CACNA1C: variants seen among roughly 807,000 people sequenced by gnomAD.
CACNA1C encodes voltage-dependent L-type calcium channel subunit alpha-1C.
CACNA1C carries 30 observed loss-of-function variants against 229.0 expected under a neutral mutation model. That is an observed-to-expected ratio of 0.13 (90% CI 0.10 to 0.18). The LOEUF (loss-of-function observed/expected upper bound fraction) is 0.18. CACNA1C is among the 10% of genes least tolerant of loss of function. The pLI, the probability that CACNA1C is intolerant of heterozygous loss-of-function variation, is 1.00. For missense variants in CACNA1C, 1,658 were observed against 2,845.0 expected (o/e 0.58, Z 9.49); for synonymous variants, 1,114 against 1,132.5 (o/e 0.98, Z 0.33).
chr12:2,153,652 G>T (rs559421315), intron 3 of CACNA1C, among the ~76,000 whole-genome samples: 6 of 152,186 alleles, frequency 3.9e-5, no homozygotes, highest in African/African-American at 7.2e-5. Context: ...GGACAGGGCC[G>T]TGTTGACAGG....
At chr12:2,035,350 G>A (rs1768399404) in intron 1 of CACNA1C, among the ~76,000 whole-genome samples, 1 of 152,206 alleles carries the variant, frequency 6.6e-6, no homozygotes, top group Non-Finnish European at 1.5e-5. Context: ...AACAAAGAAG[G>A]GCTCTGTTTC....
At chr12:2,521,508 C>A (rs2099809914) in intron 9 of CACNA1C, among the ~76,000 whole-genome samples, 1 of 152,286 alleles carries the variant, frequency 6.6e-6, no homozygotes, top group Middle Eastern at 3.4e-3. Flanking sequence ...CTCTCCAGGG[C>A]CTGGAGGACA....
intron 1 of CACNA1C, chr12:1,991,848 A>T (rs1274099422): frequency 6.5e-6 from 1 of 153,962 alleles, no homozygotes; most frequent in Admixed American, 6.5e-5. Context: ...TTAAAATAAA[A>T]TATTACCTAT....
At chr12:2,048,867 A>G (rs2051565894), upstream of CACNA1C, among the ~76,000 whole-genome samples, 1 of 152,214 alleles carries the variant, frequency 6.6e-6, no homozygotes, top group South Asian at 2.1e-4. Context: ...AAGAAGAAGA[A>G]GAAGAAACAT....
At position 2,601,764 on chromosome 12, in the gene CACNA1C, G is replaced by A; in HGVS notation, c.2854-90G>A. On this transcript the variant is annotated intron_variant, in intron 21 of 46. Transcript: ENST00000399655. The surrounding 1 kb of genome is among the most constrained non-coding windows in gnomAD (Gnocchi z 5.9). Reference sequence around the variant, plus strand: ...TGGATGGTGCTTGGGACTTGCCCAAGGGATGCTGTGGGAGGAAGGGGTGGT... The same window carrying A: ...TGGATGGTGCTTGGGACTTGCCCAAAGGATGCTGTGGGAGGAAGGGGTGGT... The A allele has an allele frequency of 1.2e-6, 1 of 825,388 alleles. No individual in the cohort carries two copies. Among genetic ancestry groups the A allele is most frequent in the Non-Finnish European group, 2.1e-6 (1 of 465,876 alleles). 51.1% of individuals were successfully genotyped at this position (825,388 alleles called of 1,614,324 possible). A position where few individuals can be genotyped will look rare whatever the true frequency, so the allele number is the denominator to read the frequency against.
chr12:2,617,759 G>A lies in CACNA1C; in HGVS notation c.3828+5746G>A, dbSNP rs182177965. 4.6e-5 allele frequency among the ~76,000 whole-genome samples: 7 copies of A among 152,320 alleles called. No homozygotes were observed. The East Asian group carries it at 7.7e-4, about 17-fold the overall frequency. On this transcript the variant is annotated intron_variant, in intron 29 of 46. Transcript: ENST00000399655. ...GCCTTGTTTTCACTGGGCTTGTGTCGAAAGGCACAGATGAGGGCTGAGTTG... is the reference window on the plus strand; with the variant it reads ...GCCTTGTTTTCACTGGGCTTGTGTCAAAAGGCACAGATGAGGGCTGAGTTG...
At chr12:2,159,047 C>T (rs1159557396) in intron 3 of CACNA1C, among the ~76,000 whole-genome samples, 1 of 151,612 alleles carries the variant, frequency 6.6e-6, no homozygotes, top group African/African-American at 2.4e-5. Flanking sequence ...GCTACATAAG[C>T]ATATTATTAA....
chr12:2,308,850 G>C (rs1372660504), intron 3 of CACNA1C, among the ~76,000 whole-genome samples: 1 of 152,158 alleles, frequency 6.6e-6, no homozygotes, highest in South Asian at 2.1e-4. Context: ...GTATTGATGA[G>C]GATATGAAAA....
intron 3 of CACNA1C, among the ~76,000 whole-genome samples, chr12:2,360,994 C>T (rs1340274159): frequency 6.6e-6 from 1 of 152,066 alleles, no homozygotes; most frequent in Non-Finnish European, 1.5e-5. Context: ...GGCAGCATAC[C>T]AAACTACAGA....
chr12:2,418,305 A>G (rs1230177807), intron 3 of CACNA1C, among the ~76,000 whole-genome samples: 1 of 152,178 alleles, frequency 6.6e-6, no homozygotes, highest in Non-Finnish European at 1.5e-5. Context: ...GGCTATAAAT[A>G]CAACAGGTGC....
intron 34 of CACNA1C, among the ~76,000 whole-genome samples, chr12:2,663,286 G>A (rs1479621776): frequency 6.6e-6 from 1 of 152,168 alleles, no homozygotes; most frequent in Non-Finnish European, 1.5e-5. Context: ...CCTTCCTCCT[G>A]CAAGAATGGC....
chr12:2,367,369 G>A (rs1490141140), intron 3 of CACNA1C, among the ~76,000 whole-genome samples: 3 of 152,182 alleles, frequency 2.0e-5, no homozygotes, highest in Admixed American at 6.5e-5. Context: ...CCGCCATTGT[G>A]GGGACTGGGG....
chr12:1,989,404 A>G (rs1171959623), intron 1 of CACNA1C, among the ~76,000 whole-genome samples: 1 of 151,858 alleles, frequency 6.6e-6, no homozygotes, highest in Non-Finnish European at 1.5e-5. Flanking sequence ...AAGAGGAAAG[A>G]AAAGGGAAAG....
intron 9 of CACNA1C, among the ~76,000 whole-genome samples, chr12:2,532,022 A>G (rs1295906384): frequency 1.3e-5 from 2 of 152,182 alleles, no homozygotes; most frequent in African/African-American, 2.4e-5. Context: ...GTGACAGTGG[A>G]AAGACAGTGT....
At chr12:2,161,715 CAA>C (rs774111535) in intron 3 of CACNA1C, among the ~76,000 whole-genome samples, 9 of 152,322 alleles carry the variant, frequency 5.9e-5, no homozygotes, top group Non-Finnish European at 8.8e-5. Context: ...GTTTGGCAAA[CAA>C]AGAGCGCTCT....
Position 2,691,503 on chromosome 12 carries a change from T to G in CACNA1C, c.*304T>G. 9.4e-6 allele frequency: 3 copies of G among 317,822 alleles called. No individual in the cohort carries two copies. Among genetic ancestry groups the G allele is most frequent in the East Asian group, 5.0e-5 (1 of 19,928 alleles). The allele number at this position is 317,822 out of a possible 1,614,324, so 19.7% of individuals were successfully genotyped here. ...GCCTCCGCGGGGAGAGCACCCCGGC[T>G]TCCCGCGCGCCCTCACCAAAAGGAC... On this transcript the variant is annotated 3_prime_UTR_variant, in exon 47 of 47. Coordinates refer to ENST00000399655, the MANE Select transcript of CACNA1C (RefSeq NM_000719.7).
chr12:2,669,618 G>T (rs965501029), intron 38 of CACNA1C, among the ~76,000 whole-genome samples: 1 of 152,242 alleles, frequency 6.6e-6, no homozygotes, highest in African/African-American at 2.4e-5. Context: ...GGCTACAGGT[G>T]GGTGTCTCAA....
chr12:2,438,290 ATGGTGG>A lies in CACNA1C; in HGVS notation c.478-10669_478-10664del, dbSNP rs755702533. Among the ~76,000 whole-genome samples the A allele has an allele frequency of 4.3e-3, 533 of 122,638 alleles. 3 individuals are homozygous for A. Among genetic ancestry groups the A allele is most frequent in the African/African-American group, 0.016 (477 of 29,800 alleles). 80.5% of individuals were successfully genotyped at this position (122,638 alleles called of 152,430 possible). ...GGTGGTGGTAATGATAGTGGTAATG[ATGGTGG>A]TGGTGGTGGTGGTGGTTGTGGTGAT... On this transcript the variant is annotated intron_variant, in intron 3 of 46. Transcript: ENST00000399655.
intron 38 of CACNA1C, among the ~76,000 whole-genome samples, chr12:2,673,168 T>G (rs1197558022): frequency 6.6e-6 from 1 of 152,286 alleles, no homozygotes; most frequent in Admixed American, 6.5e-5. Context: ...TACTACAAGC[T>G]TTTCAGCTTA....
Sources: allele counts gnomAD v4.1 joint callset (sites outside exome capture counted in the v4.1 genomes callset), GRCh38; gene constraint gnomAD v4.1.1; non-coding constraint Gnocchi (gnomAD v3.1); transcripts MANE v1.5; gene names NCBI Gene and HGNC (gene_info 2026-07-23, HGNC 2026-07-21).